Variants in SLC7A14 observed in about 807,000 individuals in gnomAD.
SLC7A14 encodes solute carrier family 7 member 14.
Under a neutral mutation model 60.2 loss-of-function variants are expected in SLC7A14, and 37 were observed. The observed-to-expected ratio is 0.61, with a 90% CI of 0.47 to 0.81. SLC7A14 has a LOEUF of 0.81. SLC7A14 is among the 30% of genes least tolerant of loss of function. The pLI, the probability that SLC7A14 is intolerant of heterozygous loss-of-function variation, is 0.00. For synonymous variants in SLC7A14, 399 were observed against 395.8 expected (o/e 1.01, Z -0.10); for missense variants, 886 against 982.7 (o/e 0.90, Z 1.32).
rs773369170 is a variant in SLC7A14 at position 170,481,177 on chromosome 3, C to T, written c.1116-11G>A. ...ACGTGAGCCAGGAACCTGGAGGGGCCGGGCAAGCAGAGGGTTAATGGTGAG... is the reference window on the plus strand; with the variant it reads ...ACGTGAGCCAGGAACCTGGAGGGGCTGGGCAAGCAGAGGGTTAATGGTGAG... On this transcript the variant is annotated splice_polypyrimidine_tract_variant and intron_variant, in intron 6 of 7. Coordinates refer to ENST00000231706, the MANE Select transcript of SLC7A14 (RefSeq NM_020949.3). 26 of 1,609,620 alleles carry T rather than the reference C, an allele frequency of 1.6e-5. No individual in the cohort carries two copies. The highest frequency in any genetic ancestry group is 3.3e-5 in the Admixed American group (2 of 59,720).
At chr3:170,512,135 A>T (rs749961434) in intron 2 of SLC7A14, among the ~76,000 whole-genome samples, 4 of 152,208 alleles carry the variant, frequency 2.6e-5, no homozygotes, top group Non-Finnish European at 4.4e-5. Context: ...ACCAACAGAG[A>T]TGACAGATCT....
At chr3:170,509,118 T>C (rs1422090092) in intron 2 of SLC7A14, among the ~76,000 whole-genome samples, 1 of 152,164 alleles carries the variant, frequency 6.6e-6, no homozygotes, top group African/African-American at 2.4e-5. Flanking sequence ...TACTGTCTCT[T>C]CTACTTGAGC....
At chr3:170,554,505 T>A (rs1714434777) in intron 1 of SLC7A14, among the ~76,000 whole-genome samples, 1 of 152,190 alleles carries the variant, frequency 6.6e-6, no homozygotes, top group African/African-American at 2.4e-5. Flanking sequence ...GGCTTCTCCT[T>A]CATCTCCACA....
At chr3:170,522,971 C>G (rs1036973555) in intron 2 of SLC7A14, among the ~76,000 whole-genome samples, 1 of 152,112 alleles carries the variant, frequency 6.6e-6, no homozygotes, top group African/African-American at 2.4e-5. Flanking sequence ...ACACATTTTC[C>G]ACGTATGTGA....
At position 170,585,520 on chromosome 3, in the gene SLC7A14, G is replaced by C. The variant is rs1013917629; in HGVS notation, c.-153+391C>G. On this transcript the variant is annotated intron_variant, in intron 1 of 7. Coordinates refer to ENST00000231706, the MANE Select transcript of SLC7A14 (RefSeq NM_020949.3). The surrounding 1 kb of genome is among the most constrained non-coding windows in gnomAD (Gnocchi z 5.1). ...TGCGCGCCAAGGCGGGGGACAGGAC[G>C]GGCCCGGCGTCTGCCGAGACCTAGG... Among the ~76,000 whole-genome samples the C allele has an allele frequency of 6.6e-6, 1 of 152,202 alleles. No individual in the cohort carries two copies. The highest frequency in any genetic ancestry group is 1.5e-5 in the Non-Finnish European group (1 of 68,022).
intron 6 of SLC7A14, among the ~76,000 whole-genome samples, chr3:170,481,774 C>G (rs1711832408): frequency 6.6e-6 from 1 of 152,068 alleles, no homozygotes; most frequent in Non-Finnish European, 1.5e-5. Context: ...TTGATTGAAC[C>G]TAGGAGGTCT....
chr3:170,570,708 T>A (rs1714924952), intron 1 of SLC7A14, among the ~76,000 whole-genome samples: 1 of 152,220 alleles, frequency 6.6e-6, no homozygotes, highest in Non-Finnish European at 1.5e-5. Context: ...TTGTGGGGAA[T>A]GAGATGCATT....
At chr3:170,489,973 G>T (rs1712163019) in intron 4 of SLC7A14, among the ~76,000 whole-genome samples, 1 of 151,528 alleles carries the variant, frequency 6.6e-6, no homozygotes, top group South Asian at 2.1e-4. Flanking sequence ...ACGGGGGGAG[G>T]TGGGGATGGT....
intron 1 of SLC7A14, among the ~76,000 whole-genome samples, chr3:170,555,595 C>T (rs1157978056): frequency 2.0e-5 from 3 of 152,220 alleles, no homozygotes. Flanking sequence ...GTACAGCCTA[C>T]TACACACCTA....
intron 3 of SLC7A14, among the ~76,000 whole-genome samples, chr3:170,500,706 T>A (rs184552286): frequency 3.8e-4 from 58 of 152,338 alleles, no homozygotes; most frequent in Admixed American, 9.1e-4. Context: ...GTTATTGACA[T>A]GTGCCTGTAT....
chr3:170,542,456 C>T (rs1199626452), intron 1 of SLC7A14, among the ~76,000 whole-genome samples: 1 of 152,250 alleles, frequency 6.6e-6, no homozygotes, highest in Non-Finnish European at 1.5e-5. Flanking sequence ...TGCTCTCTCA[C>T]AGCTTGTCAA....
chr3:170,554,220 T>C (rs1322975295), intron 1 of SLC7A14, among the ~76,000 whole-genome samples: 3 of 152,210 alleles, frequency 2.0e-5, no homozygotes, highest in Admixed American at 6.5e-5. Flanking sequence ...ATGCTGGGCA[T>C]GGCTAGGAGT....
intron 7 of SLC7A14, 21 bp downstream of exon 7, chr3:170,480,268 G>A (rs375078323): frequency 4.0e-6 from 6 of 1,516,664 alleles, no homozygotes; most frequent in Non-Finnish European, 4.4e-6. Flanking sequence ...AACTCTTAAG[G>A]CTCCAAAGGA....
chr3:170,559,187 G>A (rs1226900392), intron 1 of SLC7A14, among the ~76,000 whole-genome samples: 10 of 152,234 alleles, frequency 6.6e-5, no homozygotes, highest in Middle Eastern at 3.4e-3. Flanking sequence ...TTTCAGAGTC[G>A]TGCCAACTTT....
At chr3:170,543,541 C>T (rs1235146669) in intron 1 of SLC7A14, among the ~76,000 whole-genome samples, 5 of 151,568 alleles carry the variant, frequency 3.3e-5, no homozygotes, top group South Asian at 2.1e-4. Flanking sequence ...CCCAGCTACT[C>T]GGGAGGCTGA....
chr3:170,546,549 G>A (rs1398373225), intron 1 of SLC7A14, among the ~76,000 whole-genome samples: 1 of 152,180 alleles, frequency 6.6e-6, no homozygotes, highest in Admixed American at 6.5e-5. Context: ...AGGAGAAAGA[G>A]ATAAGAAGGA....
rs140491793 is a variant in SLC7A14 at position 170,481,154 on chromosome 3, G to A, written c.1128C>T (p.His376=). The A allele has an allele frequency of 1.1e-4, 175 of 1,613,048 alleles. 3 individuals carry two copies. In the South Asian group the frequency reaches 1.3e-3, roughly 12 times the overall value. ...GDGLLFRFLA[H]VSSYTETPVV... is the part of the protein sequence containing the mutation. Reference sequence around the variant, plus strand: ...CTGGTGTCTCTGTGTAGGAGCTGACGTGAGCCAGGAACCTGGAGGGGCCGG... The same window carrying A: ...CTGGTGTCTCTGTGTAGGAGCTGACATGAGCCAGGAACCTGGAGGGGCCGG... The change falls in exon 7 of 8, where the codon CAC becomes CAT. Residue 376 remains histidine, a synonymous_variant. Transcript: ENST00000231706.
chr3:170,510,412 ATAAAT>A (rs1712942560), intron 2 of SLC7A14, among the ~76,000 whole-genome samples: 1 of 149,412 alleles, frequency 6.7e-6, no homozygotes, highest in Non-Finnish European at 1.5e-5. Flanking sequence ...AAATAAATAA[ATAAAT>A]AAATAAAGAA....
At chr3:170,508,500 A>G (rs1177903369) in intron 2 of SLC7A14, among the ~76,000 whole-genome samples, 6 of 152,180 alleles carry the variant, frequency 3.9e-5, no homozygotes, top group Admixed American at 1.3e-4. Flanking sequence ...TGATCTAGCA[A>G]ATGGATGAGG....
Sources: gnomAD v4.1 joint callset for allele counts (sites outside exome capture counted in the v4.1 genomes callset) on GRCh38, gnomAD v4.1.1 for gene constraint, Gnocchi (gnomAD v3.1) non-coding constraint, MANE v1.5 for transcripts, NCBI Gene and HGNC (gene_info 2026-07-23, HGNC 2026-07-21) for gene names.